The following MAN2B2 variants were observed in gnomAD, a reference collection of about 807,000 sequenced individuals.
MAN2B2 encodes epididymis-specific alpha-mannosidase.
MAN2B2 carries 106 observed loss-of-function variants against 117.1 expected under a neutral mutation model. The observed-to-expected ratio is 0.90, with a 90% CI of 0.77 to 1.06. MAN2B2 has a LOEUF of 1.06. Ranked by LOEUF, MAN2B2 falls within the 50% of genes least tolerant of loss-of-function variation. The pLI is 0.00. For missense variants in MAN2B2, 1,326 were observed against 1,381.4 expected, an observed-to-expected ratio of 0.96 and a Z score of 0.64; for synonymous variants, 544 against 595.1, an observed-to-expected ratio of 0.91 and a Z score of 1.25.
chr4:6,597,172 C>G lies in MAN2B2; in HGVS notation c.1117C>G (p.Arg373Gly). ...TSRSSLKGLA[R>G]RASALLYAGE... Reference sequence around the variant, plus strand: ...CCGCAGCTCACTGAAGGGGCTGGCCCGGCGAGCCAGCGCCTTGTTGTATGC... The same window carrying G: ...CCGCAGCTCACTGAAGGGGCTGGCCGGGCGAGCCAGCGCCTTGTTGTATGC... The change falls in exon 8 of 19, where the codon CGG becomes GGG. Residue 373 changes from arginine to glycine, a missense_variant. By Grantham distance (125) the Arg-to-Gly change is moderately radical (BLOSUM62 -2). Coordinates refer to ENST00000285599, the MANE Select transcript of MAN2B2 (RefSeq NM_015274.3). 1 of 1,612,948 alleles carries G rather than the reference C, an allele frequency of 6.2e-7. No homozygotes were observed. The highest frequency in any genetic ancestry group is 8.5e-7 in the Non-Finnish European group (1 of 1,179,842).
chr4:6,586,065 T>G lies in MAN2B2; in HGVS notation c.392-931T>G, dbSNP rs1277755765. Among the ~76,000 whole-genome samples, 15 of 151,616 alleles carry G rather than the reference T, an allele frequency of 9.9e-5. 1 individual carries two copies. The highest frequency in any genetic ancestry group is 8.5e-4 in the Admixed American group (13 of 15,244). On this transcript the variant is annotated intron_variant, in intron 3 of 18. Coordinates refer to ENST00000285599, the MANE Select transcript of MAN2B2 (RefSeq NM_015274.3). ...ATCTTTTCTTGTGGTTTTTTTTTTT[T>G]TGAGACAGAGTCTCACTCTGTCACC... is the stretch of plus-strand genomic sequence containing the variant.
chr4:6,576,379 TC>T (rs1726060413), intron 1 of MAN2B2, among the ~76,000 whole-genome samples, 198 bp from the exon 2 acceptor site: 2 of 152,060 alleles, frequency 1.3e-5, no homozygotes, highest in South Asian at 2.1e-4. Flanking sequence ...CCCGTCCCTC[TC>T]CCCCAGGAGA....
intron 15 of MAN2B2, among the ~76,000 whole-genome samples, chr4:6,613,902 C>T (rs1416132185): frequency 6.6e-6 from 1 of 152,092 alleles, no homozygotes; most frequent in African/African-American, 2.4e-5. Flanking sequence ...GAGGGCTGTG[C>T]CTGAACTTGC....
At chr4:6,617,632 T>A in intron 17 of MAN2B2, 140 bp downstream of exon 17, 1 of 1,501,740 alleles carries the variant, frequency 6.7e-7, no homozygotes, top group Non-Finnish European at 8.9e-7. Flanking sequence ...CCGCCCTTCT[T>A]CATGGTCTTC....
chr4:6,581,186 G>A (rs547329150), intron 3 of MAN2B2, among the ~76,000 whole-genome samples: 1 of 152,132 alleles, frequency 6.6e-6, no homozygotes, highest in South Asian at 2.1e-4. Flanking sequence ...CCCACCACCA[G>A]CTAAGTGATG....
At chr4:6,617,967 C>A (rs1389869656) in intron 17 of MAN2B2, 1 of 167,540 alleles carries the variant, frequency 6.0e-6, no homozygotes, top group Non-Finnish European at 1.3e-5. Flanking sequence ...CCTGCCTCAG[C>A]CTCCCGAGTA....
In MAN2B2 at chr4:6,594,617, C is replaced by T. The variant is rs754765791; in HGVS notation, c.942C>T (p.Ala314=). ...PLLDHINSHA[A]ELGVSVQYAT... Reference sequence around the variant, plus strand: ...TGGACCACATCAACAGCCATGCTGCCGAGCTCGGTGTCTCGGTGCAGTATG... The same window carrying T: ...TGGACCACATCAACAGCCATGCTGCTGAGCTCGGTGTCTCGGTGCAGTATG... The change falls in exon 7 of 19, where the codon GCC becomes GCT. Residue 314 remains alanine (A), a synonymous_variant. Coordinates refer to ENST00000285599, the MANE Select transcript of MAN2B2 (RefSeq NM_015274.3). The T allele has an allele frequency of 9.9e-6, 16 of 1,613,502 alleles. No homozygotes were observed. The highest frequency in any genetic ancestry group is 1.1e-5 in the South Asian group (1 of 91,074).
intron 6 of MAN2B2, among the ~76,000 whole-genome samples, chr4:6,593,695 A>G (rs533692145): frequency 2.0e-4 from 30 of 152,330 alleles, no homozygotes; most frequent in African/African-American, 7.0e-4. Context: ...CAGGCTTCAT[A>G]GGCTTGGTGA....
chr4:6,619,905 C>T, intron 17 of MAN2B2, 22 bp from the exon 18 acceptor site: 1 of 1,603,502 alleles, frequency 6.2e-7, no homozygotes, highest in African/African-American at 1.3e-5. Flanking sequence ...AGCTCACTCT[C>T]CCTCTGCTCC....
chr4:6,591,226 T>G (rs1280281361), intron 5 of MAN2B2, among the ~76,000 whole-genome samples: 1 of 152,068 alleles, frequency 6.6e-6, no homozygotes, highest in Non-Finnish European at 1.5e-5. Flanking sequence ...CTCCTCATCC[T>G]TGTCTTGCGG....
rs1056353553 is a variant in MAN2B2 at position 6,587,747 on chromosome 4, G to T, written c.564+579G>T. Among the ~76,000 whole-genome samples, 357 of 102,986 alleles carry T rather than the reference G, an allele frequency of 3.5e-3. 1 individual carries two copies. The highest frequency in any genetic ancestry group is 4.9e-3 in the Non-Finnish European group (248 of 50,390). 67.6% of individuals were successfully genotyped at this position (102,986 alleles called of 152,430 possible). A position where few individuals can be genotyped will look rare whatever the true frequency, so the allele number is the denominator to read the frequency against. ...TGGGTTTTTTGGGGTCTTTTGGGTTGTTGTTTTTTTTTTTTTTTTTTTTTT... is the reference window on the plus strand; with the variant it reads ...TGGGTTTTTTGGGGTCTTTTGGGTTTTTGTTTTTTTTTTTTTTTTTTTTTT... On this transcript the variant is annotated intron_variant, in intron 4 of 18. Coordinates refer to ENST00000285599, the MANE Select transcript of MAN2B2 (RefSeq NM_015274.3).
chr4:6,611,005 C>T lies in MAN2B2; in HGVS notation c.2370+15C>T, dbSNP rs112013541. 2 of 1,613,972 alleles carry T rather than the reference C, an allele frequency of 1.2e-6. No individual in the cohort carries two copies. The highest frequency in any genetic ancestry group is 4.5e-5 in the East Asian group (2 of 44,886). The stretch of plus-strand genomic sequence containing the variant: ...GGCAGGTGGAGGTAGGAGGCACGGT[C>T]TGTCCTACAGCAGCCCCTCGCGGCC... On this transcript the variant is annotated intron_variant, in intron 14 of 18. Transcript: ENST00000285599.
chr4:6,593,375 G>T (rs751795068), intron 6 of MAN2B2, 25 bp downstream of exon 6: 1 of 1,599,532 alleles, frequency 6.3e-7, no homozygotes, highest in Non-Finnish European at 8.5e-7. Context: ...CAGGTGCTGT[G>T]CCCTCAACAC....
intron 4 of MAN2B2, among the ~76,000 whole-genome samples, chr4:6,588,739 A>G (rs973197168): frequency 6.6e-6 from 1 of 152,112 alleles, no homozygotes; most frequent in African/African-American, 2.4e-5. Flanking sequence ...TAAACTGCAC[A>G]CTTGGTGAGA....
rs755782006 is a variant in MAN2B2 at position 6,594,525 on chromosome 4, T to A, written c.859-9T>A. ...CACGGCACAGGATGTTGCTCCCATG[T>A]CCCTGCAGGGATGTGACAAGCAGTT... On this transcript the variant is annotated splice_polypyrimidine_tract_variant and intron_variant, in intron 6 of 18. Coordinates refer to ENST00000285599, the MANE Select transcript of MAN2B2 (RefSeq NM_015274.3). 5.6e-6 allele frequency: 9 copies of A among 1,611,870 alleles called. No homozygotes were observed. In the South Asian group the frequency reaches 9.9e-5, roughly 18 times the overall value.
intron 15 of MAN2B2, among the ~76,000 whole-genome samples, chr4:6,611,766 C>G (rs1305610831): frequency 6.6e-6 from 1 of 152,120 alleles, no homozygotes; most frequent in Non-Finnish European, 1.5e-5. Flanking sequence ...TGCACCCCAG[C>G]CTGGGTGGCA....
In MAN2B2 at chr4:6,611,251, C is replaced by A; in HGVS notation, c.2536C>A (p.Pro846Thr). The change falls in exon 15 of 19, where the codon CCC (proline) becomes ACC (threonine). Residue 846 changes from proline (P) to threonine (T), a missense_variant. Pro to Thr is a conservative substitution (Grantham distance 38, BLOSUM62 -1). Coordinates refer to ENST00000285599, the MANE Select transcript of MAN2B2 (RefSeq NM_015274.3). ...QRSALALQHR[P>T]VVLFGDLAGT... ...GAGCGCACTGGCGCTGCAGCACAGG[C>A]CCGTGGTGCTGTTCGGAGACCTCGC... 5 of 1,610,208 alleles carry A rather than the reference C, an allele frequency of 3.1e-6. No individual in the cohort carries two copies.
At chr4:6,587,195 G>A (rs377752567) in intron 4 of MAN2B2, 27 bp downstream of exon 4, 38 of 1,602,020 alleles carry the variant, frequency 2.4e-5, no homozygotes, top group African/African-American at 2.1e-4. Context: ...GTCTGCTGCC[G>A]CCCAGCGACC....
chr4:6,611,638 T>G (rs183089044), intron 15 of MAN2B2, among the ~76,000 whole-genome samples: 5 of 152,182 alleles, frequency 3.3e-5, no homozygotes, highest in Admixed American at 2.6e-4. Context: ...ACTGGTTTGT[T>G]AGCTGGGCAT....
Sources: gnomAD v4.1 joint callset for allele counts (sites outside exome capture counted in the v4.1 genomes callset) on GRCh38, gnomAD v4.1.1 for gene constraint, MANE v1.5 for transcripts, NCBI Gene and HGNC (gene_info 2026-07-23, HGNC 2026-07-21) for gene names.